The following SCHIP1 variants were observed in gnomAD, a reference collection of about 807,000 sequenced individuals.
SCHIP1 encodes schwannomin-interacting protein 1.
In SCHIP1, 8 loss-of-function variants were observed where a neutral mutation model predicts 29.7. That is an observed-to-expected ratio of 0.27 (90% CI 0.16 to 0.49). The LOEUF (loss-of-function observed/expected upper bound fraction) is 0.49. Among genes scored for constraint, SCHIP1 ranks in the 20% least tolerant of loss-of-function variants. SCHIP1 has a pLI of 0.99. For missense variants in SCHIP1, 193 were observed against 294.6 expected (o/e 0.66, Z 2.52); for synonymous variants, 76 against 94.9 (o/e 0.80, Z 1.16).
chr3:159,643,696 C>T, the SCHIP1 span, among the ~76,000 whole-genome samples: 1 of 152,078 alleles, frequency 6.6e-6, no homozygotes, highest in Non-Finnish European at 1.5e-5. Flanking sequence ...CTCTTCTGCC[C>T]TGGACTAGGC....
At chr3:159,816,559 G>A in the SCHIP1 span, among the ~76,000 whole-genome samples, 1 of 152,308 alleles carries the variant, frequency 6.6e-6, no homozygotes, top group African/African-American at 2.4e-5. Flanking sequence ...ACAGAGGGGA[G>A]CCAGCCCGGC....
the SCHIP1 span, among the ~76,000 whole-genome samples, chr3:159,292,155 T>C: frequency 6.6e-6 from 1 of 152,034 alleles, no homozygotes; most frequent in African/African-American, 2.4e-5. Context: ...TAACCTGATA[T>C]CTGGCACTTA....
chr3:159,602,676 T>G, the SCHIP1 span, among the ~76,000 whole-genome samples: 7 of 150,884 alleles, frequency 4.6e-5, no homozygotes, highest in Non-Finnish European at 8.8e-5. Flanking sequence ...ACCACTGCAC[T>G]CTAGCCTGGG....
At chr3:159,799,561 G>A in the SCHIP1 span, among the ~76,000 whole-genome samples, 4 of 152,256 alleles carry the variant, frequency 2.6e-5, no homozygotes, top group Admixed American at 1.3e-4. Flanking sequence ...CCAACTGACA[G>A]ACAATCCAAC....
chr3:159,394,437 T>C, the SCHIP1 span, among the ~76,000 whole-genome samples: 1 of 152,156 alleles, frequency 6.6e-6, no homozygotes, highest in Non-Finnish European at 1.5e-5. Flanking sequence ...TTCAGTATGA[T>C]ATTGGCTGTG....
chr3:159,691,609 A>G, the SCHIP1 span, among the ~76,000 whole-genome samples: 3 of 151,996 alleles, frequency 2.0e-5, no homozygotes, highest in Non-Finnish European at 4.4e-5. Context: ...ATTTAAGGGT[A>G]ATATTGTTAT....
chr3:159,694,822 A>G, the SCHIP1 span, among the ~76,000 whole-genome samples: 1 of 152,152 alleles, frequency 6.6e-6, no homozygotes, highest in African/African-American at 2.4e-5. Context: ...CTGAAGCAGC[A>G]CTTCAGTCCC....
chr3:159,310,598 C>T, the SCHIP1 span, among the ~76,000 whole-genome samples: 3 of 152,090 alleles, frequency 2.0e-5, no homozygotes, highest in African/African-American at 7.2e-5. Context: ...ACAGACAGTG[C>T]ATTCTTCTCT....
the SCHIP1 span, among the ~76,000 whole-genome samples, chr3:159,327,237 C>A: frequency 6.6e-6 from 1 of 152,130 alleles, no homozygotes; most frequent in Non-Finnish European, 1.5e-5. Flanking sequence ...GATCATGGGG[C>A]AAGTAGTAAC....
the SCHIP1 span, among the ~76,000 whole-genome samples, chr3:159,481,752 A>G: frequency 6.6e-6 from 1 of 152,168 alleles, no homozygotes; most frequent in Non-Finnish European, 1.5e-5. Context: ...CCTTTGCTGC[A>G]TGCTGTGATT....
chr3:159,492,513 G>A, the SCHIP1 span, among the ~76,000 whole-genome samples: 1 of 152,120 alleles, frequency 6.6e-6, no homozygotes. Context: ...GATGGAAGAT[G>A]AAATGAATGA....
chr3:159,502,453 A>G, the SCHIP1 span, among the ~76,000 whole-genome samples: 1 of 151,684 alleles, frequency 6.6e-6, no homozygotes, highest in Non-Finnish European at 1.5e-5. Flanking sequence ...ACCCACATAT[A>G]GTGACCAAAA....
the SCHIP1 span, among the ~76,000 whole-genome samples, chr3:159,312,925 T>C: frequency 6.6e-6 from 1 of 152,246 alleles, no homozygotes. Flanking sequence ...AGCATTTTTC[T>C]TACCTTTGCT....
chr3:159,833,878 C>T, the SCHIP1 span, among the ~76,000 whole-genome samples: 1 of 152,194 alleles, frequency 6.6e-6, no homozygotes, highest in Non-Finnish European at 1.5e-5. Context: ...GTCTCAAAAC[C>T]TCACAATTCC....
the SCHIP1 span, among the ~76,000 whole-genome samples, chr3:159,750,290 T>C: frequency 0.078 from 10,026 of 128,666 alleles, 383 homozygotes; most frequent in Admixed American, 0.12. Flanking sequence ...TATATATATA[T>C]ATATATACAC....
chr3:159,779,857 T>A, the SCHIP1 span, among the ~76,000 whole-genome samples: 2 of 152,204 alleles, frequency 1.3e-5, no homozygotes, highest in Non-Finnish European at 2.9e-5. Flanking sequence ...TGGACCACAG[T>A]AATTTGAATA....
chr3:159,347,860 T>C, the SCHIP1 span, among the ~76,000 whole-genome samples: 29 of 152,258 alleles, frequency 1.9e-4, no homozygotes, highest in East Asian at 3.7e-3. Flanking sequence ...AGAACAATCA[T>C]GCCTTTCAAA....
At chr3:159,303,973 T>C in the SCHIP1 span, among the ~76,000 whole-genome samples, 625 of 152,040 alleles carry the variant, frequency 4.1e-3, 4 homozygotes, top group African/African-American at 0.014. Context: ...TAACTCGTCA[T>C]CTAGCATTAG....
chr3:159,896,160 T>C (rs1718045155), intron 6 of SCHIP1, among the ~76,000 whole-genome samples: 1 of 152,256 alleles, frequency 6.6e-6, no homozygotes, highest in South Asian at 2.1e-4. Flanking sequence ...ATTAGATTTT[T>C]GGCTCCAGGT....
Sources: gnomAD v4.1 joint callset for allele counts (sites outside exome capture counted in the v4.1 genomes callset) on GRCh38, gnomAD v4.1.1 for gene constraint, MANE v1.5 for transcripts, NCBI Gene and HGNC (gene_info 2026-07-23, HGNC 2026-07-21) for gene names.